Variants in PILRB observed in about 807,000 individuals in gnomAD.
The protein encoded by PILRB is paired immunoglobulin-like type 2 receptor beta.
A neutral mutation model predicts 20.5 loss-of-function variants in PILRB; 21 were observed. The ratio of observed to expected loss-of-function variants is 1.02; its 90% CI spans 0.72 to 1.47. The LOEUF is 1.47. PILRB is among the 40% of genes most tolerant of loss of function. The pLI is 0.00. For synonymous variants in PILRB, 133 were observed against 115.1 expected (o/e 1.16, Z -0.99); for missense variants, 253 against 272.1 (o/e 0.93, Z 0.49).
In PILRB at chr7:100,358,883, G is replaced by C. The variant is rs372486939; in HGVS notation, c.258G>C (p.Pro86=). Reference sequence around the variant, plus strand: ...GGCAGTCCTTCTACAGCACAAGGCCGCCTTCCATTCACAAGGATTATGTGA... The same window carrying C: ...GGCAGTCCTTCTACAGCACAAGGCCCCCTTCCATTCACAAGGATTATGTGA... ...FHGQSFYSTR[P]PSIHKDYVNR... is the part of the protein sequence containing the mutation. The change falls in exon 2 of 4, where the codon CCG becomes CCC. Residue 86 remains proline, a synonymous_variant. Transcript: ENST00000609309. 7 of 1,614,020 alleles carry C rather than the reference G, an allele frequency of 4.3e-6. No individual in the cohort carries two copies. In the African/African-American group the frequency reaches 9.3e-5, roughly 22 times the overall value.
intron 3 of PILRB, among the ~76,000 whole-genome samples, chr7:100,362,821 C>G (rs777049065): frequency 2.0e-5 from 3 of 152,020 alleles, no homozygotes; most frequent in Non-Finnish European, 4.4e-5. Context: ...ACACCCTTTC[C>G]TGGTAAAACA....
At chr7:100,367,286 A>G in intron 3 of PILRB, 63 bp from the exon 4 acceptor site, 2 of 779,626 alleles carry the variant, frequency 2.6e-6, no homozygotes, top group Non-Finnish European at 4.8e-6. Context: ...CTCTGAAGCA[A>G]CTGCCTCGCC....
chr7:100,361,449 T>TGG (rs1790523821), intron 3 of PILRB, among the ~76,000 whole-genome samples: 1 of 152,074 alleles, frequency 6.6e-6, no homozygotes, highest in Admixed American at 6.5e-5. Context: ...CCCAGCACCT[T>TGG]GGGAGGCCAA....
rs780520999 is a variant in PILRB at position 100,358,278 on chromosome 7, C to T, written c.-25C>T. ...TGCCTGGACAGCTCTGCTGGTCTCCCCGTCCCCTGGAGAAGAACAAGGCCA... is the reference window on the plus strand; with the variant it reads ...TGCCTGGACAGCTCTGCTGGTCTCCTCGTCCCCTGGAGAAGAACAAGGCCA... On this transcript the variant is annotated 5_prime_UTR_variant, in exon 1 of 4. Coordinates refer to ENST00000609309, the MANE Select transcript of PILRB (RefSeq NM_178238.4). 4.3e-6 allele frequency: 7 copies of T among 1,611,760 alleles called. No individual in the cohort carries two copies. The Admixed American group carries it at 6.7e-5, about 15-fold the overall frequency.
At position 100,367,587 on chromosome 7, in the gene PILRB, A is replaced by G; in HGVS notation, c.*210A>G. ...TTACCTACAAGAGCCTTCATCCAGGAGCATCCACACTGCAATGATATAGGA... is the reference window on the plus strand; with the variant it reads ...TTACCTACAAGAGCCTTCATCCAGGGGCATCCACACTGCAATGATATAGGA... On this transcript the variant is annotated 3_prime_UTR_variant, in exon 4 of 4. Transcript: ENST00000609309. The G allele has an allele frequency of 1.7e-6, 1 of 594,826 alleles. No individual in the cohort carries two copies. The highest frequency in any genetic ancestry group is 3.0e-6 in the Non-Finnish European group (1 of 328,966). 36.8% of individuals were successfully genotyped at this position (594,826 alleles called of 1,614,324 possible). A position where few individuals can be genotyped will look rare whatever the true frequency, so the allele number is the denominator to read the frequency against.
intron 2 of PILRB, 50 bp from the exon 3 acceptor site, chr7:100,359,287 G>T: frequency 1.9e-6 from 3 of 1,595,638 alleles, no homozygotes; most frequent in Non-Finnish European, 1.7e-6. Context: ...CTTTCATCCA[G>T]ACGCCCCACA....
rs760266398 is a variant in PILRB, at chr7:100,367,378, C to A, written c.*1C>A. The A allele has an allele frequency of 3.8e-6, 3 of 781,012 alleles. No homozygotes were observed. Among genetic ancestry groups the A allele is most frequent in the Non-Finnish European group, 7.2e-6 (3 of 418,078 alleles). The allele number at this position is 781,012 out of a possible 1,614,324, so 48.4% of individuals were successfully genotyped here. On this transcript the variant is annotated 3_prime_UTR_variant, in exon 4 of 4. Transcript: ENST00000609309. ...CAGGGCGCCAAGCAGTGACTTCTGA[C>A]CAACAGAGTGTGGGGAGAAGGGATG...
At chr7:100,362,035 G>A (rs1308336152) in intron 3 of PILRB, among the ~76,000 whole-genome samples, 1 of 152,184 alleles carries the variant, frequency 6.6e-6, no homozygotes, top group Non-Finnish European at 1.5e-5. Context: ...GGAGATCACA[G>A]AAGGTCAAGG....
chr7:100,363,632 T>C (rs2130115458), intron 3 of PILRB, among the ~76,000 whole-genome samples: 1 of 152,318 alleles, frequency 6.6e-6, no homozygotes, highest in Middle Eastern at 3.4e-3. Flanking sequence ...ATGCAAATCC[T>C]ATGAAAACCC....
In PILRB at chr7:100,367,563, T is replaced by C. The variant is rs1024953335; in HGVS notation, c.*186T>C. 6.1e-5 allele frequency: 37 copies of C among 610,138 alleles called. 1 individual carries two copies. The African/African-American group carries it at 6.7e-4, about 11-fold the overall frequency. The allele number at this position is 610,138 out of a possible 1,614,324, so 37.8% of individuals were successfully genotyped here. A position where few individuals can be genotyped will look rare whatever the true frequency, so the allele number is the denominator to read the frequency against. ...CCTGAATCACCGACTGGAGGAGAGT[T>C]ACCTACAAGAGCCTTCATCCAGGAG... On this transcript the variant is annotated 3_prime_UTR_variant, in exon 4 of 4. Transcript: ENST00000609309.
chr7:100,366,835 A>G (rs1312619453), intron 3 of PILRB, among the ~76,000 whole-genome samples: 1 of 152,116 alleles, frequency 6.6e-6, no homozygotes, highest in Non-Finnish European at 1.5e-5. Flanking sequence ...CTCAAGAGCG[A>G]AGGAAGCCAA....
At position 100,359,531 on chromosome 7, in the gene PILRB, A is replaced by G; in HGVS notation, c.649A>G (p.Arg217Gly). The part of the protein sequence containing the change: ...LCLLLLWWRR[R>G]KGSRAPSSDF ...CCTCCTCCTCCTGTGGTGGAGGAGA[A>G]GGAAAGGTAAGTGCCCAGAACGCAC... The change falls in exon 3 of 4, where the codon AGG (arginine) becomes GGG (glycine). Residue 217 changes from arginine to glycine, a missense_variant. By Grantham distance (125) the Arg-to-Gly change is moderately radical (BLOSUM62 -2). Coordinates refer to ENST00000609309, the MANE Select transcript of PILRB (RefSeq NM_178238.4). The G allele has an allele frequency of 6.2e-7, 1 of 1,613,816 alleles. No individual in the cohort carries two copies. The highest frequency in any genetic ancestry group is 8.5e-7 in the Non-Finnish European group (1 of 1,179,706).
At chr7:100,359,573 C>G (rs773708147) in intron 3 of PILRB, 36 bp downstream of exon 3, 2 of 1,578,532 alleles carry the variant, frequency 1.3e-6, no homozygotes, top group Non-Finnish European at 1.7e-6. Flanking sequence ...CTCAAGCTTC[C>G]CAGCTGGGGG....
At chr7:100,364,502 G>GT (rs1482388971) in intron 3 of PILRB, among the ~76,000 whole-genome samples, 1 of 152,182 alleles carries the variant, frequency 6.6e-6, no homozygotes, top group Non-Finnish European at 1.5e-5. Flanking sequence ...CATCAAGGTT[G>GT]TTTGACTCCA....
chr7:100,359,299 C>G (rs1435305544), intron 2 of PILRB, 38 bp from the exon 3 acceptor site: 13 of 1,604,112 alleles, frequency 8.1e-6, no homozygotes, highest in East Asian at 2.2e-5. Context: ...CGCCCCACAC[C>G]CCCAGAAGAG....
intron 3 of PILRB, among the ~76,000 whole-genome samples, chr7:100,363,132 T>TAA (rs771904107): frequency 5.8e-4 from 49 of 84,978 alleles, no homozygotes; most frequent in African/African-American, 1.2e-3. Context: ...CATCTCTACT[T>TAA]AAAAAAAAAA....
At chr7:100,358,474 C>G in intron 1 of PILRB, 108 bp downstream of exon 1, 1 of 1,394,240 alleles carries the variant, frequency 7.2e-7, no homozygotes, top group South Asian at 1.3e-5. Context: ...CCACCTCCAG[C>G]AAACAAGGGC....
rs956649569 is a variant in PILRB at position 100,365,972 on chromosome 7, T to A, written c.656-1377T>A. On this transcript the variant is annotated intron_variant, in intron 3 of 3. Coordinates refer to ENST00000609309, the MANE Select transcript of PILRB (RefSeq NM_178238.4). ...TGGTTTTTTTTTTTTTTTTTTTTTT[T>A]AGACAGAGTCTCGCTTTGTCACCCA... Among the ~76,000 whole-genome samples, 21 of 147,086 alleles carry A rather than the reference T, an allele frequency of 1.4e-4. No homozygotes were observed. In the South Asian group the frequency reaches 2.3e-3, roughly 16 times the overall value.
intron 3 of PILRB, among the ~76,000 whole-genome samples, chr7:100,360,532 G>A (rs1790496655): frequency 1.3e-5 from 2 of 152,170 alleles, no homozygotes; most frequent in African/African-American, 4.8e-5. Flanking sequence ...GAAGCTTGGT[G>A]CTGGTGAAGG....
Sources: gnomAD v4.1 joint callset for allele counts (sites outside exome capture counted in the v4.1 genomes callset) on GRCh38, gnomAD v4.1.1 for gene constraint, MANE v1.5 for transcripts, NCBI Gene and HGNC (gene_info 2026-07-23, HGNC 2026-07-21) for gene names.